The following PHKA1 variants were observed in gnomAD, a reference collection of about 807,000 sequenced individuals.
PHKA1 encodes phosphorylase kinase regulatory subunit alpha 1.
PHKA1 carries 60 observed loss-of-function variants against 110.2 expected under a neutral mutation model. The ratio of observed to expected loss-of-function variants is 0.54; its 90% CI spans 0.44 to 0.68. The LOEUF (loss-of-function observed/expected upper bound fraction) is 0.68, where lower values mean the gene tolerates loss of function less well. Among genes scored for constraint, PHKA1 ranks in the 30% least tolerant of loss-of-function variants. The probability of loss-of-function intolerance (pLI) is 0.00; values close to 1 mark genes in which losing one functional copy is unlikely to be tolerated. For synonymous variants in PHKA1, 316 were observed against 333.6 expected (o/e 0.95, Z 0.58); for missense variants, 801 against 942.5 (o/e 0.85, Z 1.97).
Position 72,623,262 on chromosome X carries a change from T to C in PHKA1, c.1807A>G (p.Lys603Glu). The C allele has an allele frequency of 8.3e-7, 1 of 1,209,527 alleles. No individual in the cohort carries two copies. Among genetic ancestry groups the C allele is most frequent in the African/African-American group, 1.7e-5 (1 of 57,736 alleles). The change falls in exon 18 of 32, where the codon AAA becomes GAA. Residue 603 changes from lysine (K) to glutamate (E), a missense_variant. Lys to Glu is a moderately conservative substitution (Grantham distance 56, BLOSUM62 1). This residue lies in a region of PHKA1 where 502 missense variants were observed against 519.2 expected (regional missense o/e 0.97). Transcript: ENST00000373542. ...GATGTTGTCAAAAACTCTGACAATTTACCTGTTTGAACCCTAAAAATTAGA... is the reference window on the plus strand; with the variant it reads ...GATGTTGTCAAAAACTCTGACAATTCACCTGTTTGAACCCTAAAAATTAGA... ...YFGGARVQTG[K>E]LSEFLTTSCC...
intron 31 of PHKA1, among the ~76,000 whole-genome samples, chrX:72,581,782 T>G (rs2052340490): frequency 8.9e-6 from 1 of 112,075 alleles, no homozygotes; most frequent in South Asian, 3.7e-4. Flanking sequence ...AAACAGCTAT[T>G]ATATGTTTTG....
At chrX:72,641,563 T>TA (rs2147742525) in intron 14 of PHKA1, among the ~76,000 whole-genome samples, 1 of 111,655 alleles carries the variant, frequency 9.0e-6, no homozygotes, top group East Asian at 2.8e-4. Flanking sequence ...GAACTTAATA[T>TA]TTTAAGTTCT....
At chrX:72,654,409 T>C (rs1336349837) in intron 10 of PHKA1, among the ~76,000 whole-genome samples, 1 of 112,047 alleles carries the variant, frequency 8.9e-6, no homozygotes, top group East Asian at 2.8e-4. Flanking sequence ...TCTTCAGTTT[T>C]CTACCTCTTT....
intron 13 of PHKA1, 92 bp from the exon 14 acceptor site, chrX:72,644,588 A>G: frequency 3.8e-6 from 3 of 799,963 alleles, no homozygotes; most frequent in Non-Finnish European, 5.5e-6. Context: ...TTTTAAAGAG[A>G]AAAAAAGGAA....
chrX:72,691,676 T>TCACTGCTA lies in PHKA1; in HGVS notation c.454+4024_454+4031dup, dbSNP rs1175267387. On this transcript the variant is annotated intron_variant, in intron 4 of 31. Transcript: ENST00000373542. ...TATTTTTAAATTTCATTTTGGTTAT[T>TCACTGCTA]CACTGCTACTGTTTAGAAACATAAC... is the stretch of plus-strand genomic sequence containing the variant. 4.4e-5 allele frequency among the ~76,000 whole-genome samples: 5 copies of TCACTGCTA among 112,444 alleles called. No homozygotes were observed. In the Admixed American group the frequency reaches 4.7e-4, roughly 11 times the overall value.
chrX:72,591,349 G>A (rs782549050), intron 29 of PHKA1, among the ~76,000 whole-genome samples: 1 of 110,991 alleles, frequency 9.0e-6, no homozygotes, highest in East Asian at 2.8e-4. Context: ...AGTCATAGGT[G>A]GGAACTGAAC....
chrX:72,587,141 CAG>C (rs782132502), intron 29 of PHKA1, among the ~76,000 whole-genome samples: 1 of 110,057 alleles, frequency 9.1e-6, no homozygotes, highest in Admixed American at 9.7e-5. Context: ...CAGATTCACC[CAG>C]GTTGAAATGA....
chrX:72,624,203 G>C (rs190511360), intron 17 of PHKA1, among the ~76,000 whole-genome samples: 7 of 111,942 alleles, frequency 6.3e-5, no homozygotes, highest in African/African-American at 2.0e-4. Flanking sequence ...TGCACTGAAA[G>C]AGACTGTAGT....
At chrX:72,615,683 GAA>G (rs2052882924) in intron 21 of PHKA1, among the ~76,000 whole-genome samples, 2 of 85,910 alleles carry the variant, frequency 2.3e-5, no homozygotes, top group Middle Eastern at 0.018. Context: ...TAGTAAGAGA[GAA>G]ATAAAAAAGG....
At chrX:72,603,364 T>C in intron 25 of PHKA1, 144 bp from the exon 26 acceptor site, 1 of 470,535 alleles carries the variant, frequency 2.1e-6, no homozygotes, top group Non-Finnish European at 3.8e-6. Flanking sequence ...GATAGCACCC[T>C]ACTGCTTAGG....
intron 6 of PHKA1, among the ~76,000 whole-genome samples, chrX:72,670,583 T>C (rs1421228304): frequency 3.6e-5 from 4 of 111,912 alleles, no homozygotes; most frequent in Non-Finnish European, 7.5e-5. Context: ...TAACTCATTT[T>C]ATGAGGCCAG....
chrX:72,700,090 T>C (rs1044323503), intron 3 of PHKA1, among the ~76,000 whole-genome samples: 2 of 112,200 alleles, frequency 1.8e-5, no homozygotes, highest in Non-Finnish European at 3.8e-5. Flanking sequence ...AGTTATATTT[T>C]ATAATCAAGG....
intron 1 of PHKA1, 44 bp downstream of exon 1, chrX:72,713,759 C>T (rs782539649): frequency 3.6e-5 from 38 of 1,041,477 alleles, no homozygotes; most frequent in Middle Eastern, 5.0e-4. Flanking sequence ...CTATGACAAG[C>T]TACATCCTCG....
At chrX:72,687,237 G>A (rs1263805242) in intron 4 of PHKA1, among the ~76,000 whole-genome samples, 1 of 111,034 alleles carries the variant, frequency 9.0e-6, no homozygotes, top group Non-Finnish European at 1.9e-5. Flanking sequence ...TATATAAAAT[G>A]GCATATGTAT....
In PHKA1 at chrX:72,705,228, C is replaced by A; in HGVS notation, c.255G>T (p.Met85Ile). 8.4e-7 allele frequency: 1 copy of A among 1,192,413 alleles called. No homozygotes were observed. The highest frequency in any genetic ancestry group is 1.8e-5 in the South Asian group (1 of 56,445). The change falls in exon 3 of 32, where the codon ATG becomes ATT. Residue 85 changes from methionine (M) to isoleucine (I), a missense_variant. Transcript: ENST00000373542. ...TGATCATGCAGTGCAGTAGTCCTCTCATCAGCTTCACTACACTCTGCAGAA... is the reference window on the plus strand; with the variant it reads ...TGATCATGCAGTGCAGTAGTCCTCTAATCAGCTTCACTACACTCTGCAGAA... ...YELEQSVVKL[M>I]RGLLHCMIRQ... is the part of the protein sequence containing the mutation.
At chrX:72,663,407 A>G (rs185874315) in intron 8 of PHKA1, among the ~76,000 whole-genome samples, 2 of 111,172 alleles carry the variant, frequency 1.8e-5, no homozygotes, top group Non-Finnish European at 3.8e-5. Context: ...TAATCACATT[A>G]TGGAAGTTTT....
Position 72,603,125 on chromosome X carries a change from G to A in PHKA1, c.2911C>T (p.Arg971Ter), listed in dbSNP as rs781902994. Residue 971 changes from arginine to a stop codon, truncating the protein, a stop_gained, in exon 26 of 32, where the codon CGA becomes TGA. Transcript: ENST00000373542. LOFTEE classifies it high-confidence loss of function. Reference protein sequence around the residue: ...ILSGKEFGVERSVRPTDSNVS... With the variant: ...ILSGKEFGVE ...TGCAGTTATTCAATCTCACCGCTTC[G>A]TTCCACTCCAAACTCCTTGCCGCTG... 7.6e-6 allele frequency: 9 copies of A among 1,179,010 alleles called. No homozygotes were observed. Among genetic ancestry groups the A allele is most frequent in the Non-Finnish European group, 1.0e-5 (9 of 867,383 alleles).
intron 2 of PHKA1, among the ~76,000 whole-genome samples, chrX:72,707,300 C>T (rs1416401037): frequency 9.0e-6 from 1 of 111,444 alleles, no homozygotes; most frequent in Non-Finnish European, 1.9e-5. Flanking sequence ...CATAGTCTAC[C>T]CAGCATTTCC....
intron 6 of PHKA1, among the ~76,000 whole-genome samples, chrX:72,671,505 T>C (rs1454173261): frequency 9.0e-6 from 1 of 111,720 alleles, no homozygotes; most frequent in Non-Finnish European, 1.9e-5. Flanking sequence ...AAAATGGCCA[T>C]ACTGCCCAAA....
Sources: gnomAD v4.1 joint callset for allele counts (sites outside exome capture counted in the v4.1 genomes callset) on GRCh38, gnomAD v4.1.1 for gene constraint, gnomAD v4.1.1 regional missense constraint, MANE v1.5 for transcripts, NCBI Gene and HGNC (gene_info 2026-07-23, HGNC 2026-07-21) for gene names.